ZSCAN5A: variants seen among roughly 807,000 people sequenced by gnomAD.
ZSCAN5A encodes zinc finger and SCAN domain containing 5A, also known as zinc finger and SCAN domain-containing protein 5A.
ZSCAN5A carries 12 observed loss-of-function variants against 23.7 expected under a neutral mutation model. The observed-to-expected ratio is 0.51, with a 90% CI of 0.32 to 0.82. ZSCAN5A has a LOEUF of 0.82. Ranked by LOEUF, ZSCAN5A falls within the 40% of genes least tolerant of loss-of-function variation. The probability of loss-of-function intolerance (pLI) is 0.03; values close to 1 mark genes in which losing one functional copy is unlikely to be tolerated. For missense variants in ZSCAN5A, 597 were observed against 617.9 expected (o/e 0.97, Z 0.36); for synonymous variants, 257 against 239.9 (o/e 1.07, Z -0.66).
chr19:56,274,650 A>G (rs1386628230), intron 2 of ZSCAN5A: 3 of 152,176 alleles, frequency 2.0e-5, no homozygotes, highest in Admixed American at 2.0e-4. Flanking sequence ...ACCAGAACAA[A>G]ACTATTAAAG....
chr19:56,221,551 G>A lies in ZSCAN5A; in HGVS notation c.*24C>T. 1 of 1,552,002 alleles carries A rather than the reference G, an allele frequency of 6.4e-7. No individual in the cohort carries two copies. Among genetic ancestry groups the A allele is most frequent in the South Asian group, 1.2e-5 (1 of 80,624 alleles). On this transcript the variant is annotated 3_prime_UTR_variant, in exon 6 of 6. Coordinates refer to ENST00000683990, the MANE Select transcript of ZSCAN5A (RefSeq NM_001322064.3). ...ATATCATTCACTTCTTCTTGGTGCAGAAGGCATAGACCGGATTATGCAATC... is the reference window on the plus strand; with the variant it reads ...ATATCATTCACTTCTTCTTGGTGCAAAAGGCATAGACCGGATTATGCAATC...
At chr19:56,228,102 G>A (rs1379571231) in intron 2 of ZSCAN5A, 5 of 334,150 alleles carry the variant, frequency 1.5e-5, no homozygotes, top group African/African-American at 2.2e-5. Context: ...GTTACATAAC[G>A]AGTCAGAGTT....
chr19:56,244,617 C>A (rs11670697), intron 2 of ZSCAN5A, among the ~76,000 whole-genome samples: 1 of 144,308 alleles, frequency 6.9e-6, no homozygotes, highest in African/African-American at 2.8e-5. Context: ...GGACAGGAGA[C>A]GCTGCTAAGC....
chr19:56,233,280 G>A (rs933134374), intron 2 of ZSCAN5A, among the ~76,000 whole-genome samples: 7 of 152,032 alleles, frequency 4.6e-5, no homozygotes, highest in African/African-American at 1.7e-4. Context: ...TTTAGCTTCA[G>A]ACTGTTGAGA....
chr19:56,269,338 T>C (rs967916842), intron 2 of ZSCAN5A, among the ~76,000 whole-genome samples: 5 of 152,188 alleles, frequency 3.3e-5, no homozygotes, highest in Non-Finnish European at 7.3e-5. Context: ...TTAATGATAA[T>C]AATTGTTGCT....
At chr19:56,261,413 G>A (rs1011911844) in intron 2 of ZSCAN5A, among the ~76,000 whole-genome samples, 1 of 152,248 alleles carries the variant, frequency 6.6e-6, no homozygotes, top group Non-Finnish European at 1.5e-5. Flanking sequence ...AGTGACATCT[G>A]AGCTGGGACT....
At chr19:56,316,229 G>C (rs569234572), upstream of ZSCAN5A, 48 of 152,308 alleles carry the variant, frequency 3.2e-4, no homozygotes, top group African/African-American at 9.9e-4. Flanking sequence ...GACTTTGCTT[G>C]GGGACCTGGG....
chr19:56,223,688 G>A lies in ZSCAN5A; in HGVS notation c.531C>T (p.Gly177=). Residue 177 remains glycine, a synonymous_variant, in exon 4 of 6, where the codon GGC becomes GGT. Transcript: ENST00000683990. ...GGATCTGCAGCTCTCGGTGGGCCTG[G>A]CCTTCCCCTGGACGCATCTGGTTCA... ...SSVNQMRPGE[G]QAHRELQILP... 2 of 1,613,008 alleles carry A rather than the reference G, an allele frequency of 1.2e-6. No homozygotes were observed. The highest frequency in any genetic ancestry group is 1.7e-6 in the Non-Finnish European group (2 of 1,179,752).
intron 2 of ZSCAN5A, among the ~76,000 whole-genome samples, chr19:56,357,462 T>C (rs1451009374): frequency 1.4e-5 from 2 of 147,816 alleles, no homozygotes; most frequent in East Asian, 3.9e-4. Flanking sequence ...ACCCCAAACC[T>C]TCACCCATCT....
intron 2 of ZSCAN5A, among the ~76,000 whole-genome samples, chr19:56,240,479 G>A (rs969393643): frequency 6.6e-6 from 1 of 152,122 alleles, no homozygotes; most frequent in Non-Finnish European, 1.5e-5. Flanking sequence ...TTCAGCTCCA[G>A]GCCAGTTGGA....
chr19:56,320,781 C>G, intron 2 of ZSCAN5A: 1 of 914,020 alleles, frequency 1.1e-6, no homozygotes, highest in Non-Finnish European at 1.8e-6. Context: ...GTCACACTTG[C>G]CATTGTGGCC....
rs755554696 is a variant in ZSCAN5A at position 56,221,554 on chromosome 19, G to A, written c.*21C>T. ...TCATTCACTTCTTCTTGGTGCAGAA[G>A]GCATAGACCGGATTATGCAATCACT... On this transcript the variant is annotated 3_prime_UTR_variant, in exon 6 of 6. Transcript: ENST00000683990. The A allele has an allele frequency of 6.4e-7, 1 of 1,556,040 alleles. No individual in the cohort carries two copies.
intron 2 of ZSCAN5A, among the ~76,000 whole-genome samples, chr19:56,328,642 A>C (rs1310746304): frequency 2.6e-5 from 4 of 151,446 alleles, no homozygotes; most frequent in Admixed American, 6.6e-5. Flanking sequence ...TCAAAAAAAA[A>C]AAATTGTTCC....
At position 56,249,886 on chromosome 19, in the gene ZSCAN5A, G is replaced by A. The variant is rs372573694; in HGVS notation, c.-127-24713C>T. Among the ~76,000 whole-genome samples the A allele has an allele frequency of 1.7e-4, 26 of 152,312 alleles. 1 individual carries two copies. In the East Asian group the frequency reaches 2.5e-3, roughly 15 times the overall value. On this transcript the variant is annotated intron_variant, in intron 2 of 5. Coordinates refer to ENST00000683990, the MANE Select transcript of ZSCAN5A (RefSeq NM_001322064.3). The stretch of plus-strand genomic sequence containing the variant: ...AATAACCTGAGCATCTGCATTTTCA[G>A]TGATGCTGATGCTGCTGGTCTTGGG...
intron 2 of ZSCAN5A, among the ~76,000 whole-genome samples, chr19:56,330,485 C>G (rs899443285): frequency 2.0e-5 from 3 of 152,126 alleles, no homozygotes; most frequent in African/African-American, 7.2e-5. Flanking sequence ...AGTAGCCTTG[C>G]CAGCATCTCT....
chr19:56,249,019 G>A (rs183473538), intron 2 of ZSCAN5A, among the ~76,000 whole-genome samples: 8 of 151,902 alleles, frequency 5.3e-5, no homozygotes, highest in South Asian at 2.1e-4. Context: ...TGCCCCCCCC[G>A]AATCCTCTCT....
intron 2 of ZSCAN5A, among the ~76,000 whole-genome samples, chr19:56,335,242 T>C: frequency 1.3e-5 from 1 of 75,956 alleles, no homozygotes; most frequent in South Asian, 4.2e-4. Flanking sequence ...TAGACAAGGA[T>C]AGAAAAAAAA....
chr19:56,231,875 G>T (rs2034489234), intron 2 of ZSCAN5A, among the ~76,000 whole-genome samples: 1 of 152,040 alleles, frequency 6.6e-6, no homozygotes, highest in African/African-American at 2.4e-5. Flanking sequence ...ATCCTCCAAC[G>T]CTTCCCCAGG....
intron 2 of ZSCAN5A, among the ~76,000 whole-genome samples, chr19:56,227,072 A>C (rs1408938746): frequency 6.6e-6 from 1 of 152,234 alleles, no homozygotes; most frequent in Non-Finnish European, 1.5e-5. Flanking sequence ...TTTCAATTGA[A>C]GAAATCAATT....
Sources: gnomAD v4.1 joint callset for allele counts (sites outside exome capture counted in the v4.1 genomes callset) on GRCh38, gnomAD v4.1.1 for gene constraint, MANE v1.5 for transcripts, NCBI Gene and HGNC (gene_info 2026-07-23, HGNC 2026-07-21) for gene names.